Variants in HNF4G observed in about 807,000 individuals in gnomAD.
HNF4G encodes hepatocyte nuclear factor 4-gamma.
A neutral mutation model predicts 50.9 loss-of-function variants in HNF4G; 21 were observed. That is an observed-to-expected ratio of 0.41 (90% CI 0.29 to 0.59). The LOEUF (loss-of-function observed/expected upper bound fraction) is 0.59, where lower values mean the gene tolerates loss of function less well. Ranked by LOEUF, HNF4G falls within the 20% of genes least tolerant of loss-of-function variation. The pLI is 0.26. For synonymous variants in HNF4G, 198 were observed against 185.6 expected, an observed-to-expected ratio of 1.07 and a Z score of -0.54; for missense variants, 527 against 559.4, an observed-to-expected ratio of 0.94 and a Z score of 0.58.
At chr8:75,540,768 G>A (rs949315947) in intron 1 of HNF4G, among the ~76,000 whole-genome samples, 7 of 150,932 alleles carry the variant, frequency 4.6e-5, no homozygotes, top group African/African-American at 9.8e-5. Flanking sequence ...CTTAATACCC[G>A]GTAAAAAAAA....
chr8:75,468,279 T>G (rs1186911800), intron 1 of HNF4G, among the ~76,000 whole-genome samples: 1 of 152,186 alleles, frequency 6.6e-6, no homozygotes, highest in Admixed American at 6.5e-5. Flanking sequence ...AGGTCCTTCT[T>G]TGGTCCTTGT....
intron 1 of HNF4G, among the ~76,000 whole-genome samples, chr8:75,436,536 T>A (rs1585841432): frequency 6.6e-6 from 1 of 152,148 alleles, no homozygotes; most frequent in Non-Finnish European, 1.5e-5. Context: ...GAAAGGGTAG[T>A]TGCCCGAACA....
chr8:75,464,687 T>C (rs560103703), intron 1 of HNF4G, among the ~76,000 whole-genome samples: 59 of 152,338 alleles, frequency 3.9e-4, no homozygotes, highest in African/African-American at 1.3e-3. Context: ...TCAGATTGTA[T>C]ATTAATAATG....
At chr8:75,437,687 T>C (rs1811171091) in intron 1 of HNF4G, among the ~76,000 whole-genome samples, 2 of 151,394 alleles carry the variant, frequency 1.3e-5, no homozygotes. Context: ...AAAATAATAA[T>C]AAAAATAAAA....
At chr8:75,557,162 C>T (rs1807152087) in intron 6 of HNF4G, among the ~76,000 whole-genome samples, 1 of 152,154 alleles carries the variant, frequency 6.6e-6, no homozygotes, top group Admixed American at 6.5e-5. Flanking sequence ...AAAATGCCTA[C>T]TGTATACATT....
chr8:75,548,917 AAGG>A (rs1806865567), intron 3 of HNF4G, among the ~76,000 whole-genome samples: 1 of 152,186 alleles, frequency 6.6e-6, no homozygotes, highest in Admixed American at 6.5e-5. Flanking sequence ...CACAAAATTA[AAGG>A]AGAAGCACTT....
chr8:75,411,003 T>A (rs1451067841), intron 1 of HNF4G, among the ~76,000 whole-genome samples: 1 of 152,242 alleles, frequency 6.6e-6, no homozygotes, highest in Non-Finnish European at 1.5e-5. Context: ...TTTATATGCC[T>A]TTTGCTTTTT....
chr8:75,476,732 C>T (rs923657622), intron 1 of HNF4G, among the ~76,000 whole-genome samples: 2 of 152,020 alleles, frequency 1.3e-5, no homozygotes, highest in African/African-American at 4.8e-5. Context: ...AGCTTTCTGC[C>T]CAAAGAAAGA....
intron 1 of HNF4G, among the ~76,000 whole-genome samples, chr8:75,437,993 G>A (rs184705449): frequency 1.3e-3 from 204 of 152,180 alleles, no homozygotes; most frequent in African/African-American, 4.6e-3. Context: ...GACTGTAGGA[G>A]CACTTTGAAT....
chr8:75,521,377 A>C (rs1366290548), intron 2 of HNF4G, among the ~76,000 whole-genome samples: 2 of 152,218 alleles, frequency 1.3e-5, no homozygotes, highest in East Asian at 3.8e-4. Flanking sequence ...GCTTGATAGC[A>C]GCTGCACAGT....
At chr8:75,480,330 A>G (rs920814431) in intron 1 of HNF4G, among the ~76,000 whole-genome samples, 2 of 152,220 alleles carry the variant, frequency 1.3e-5, no homozygotes, top group African/African-American at 4.8e-5. Flanking sequence ...TTGAGTGCCC[A>G]AAGTGTCAAA....
At chr8:75,413,964 T>C (rs1810567514) in intron 1 of HNF4G, among the ~76,000 whole-genome samples, 1 of 152,204 alleles carries the variant, frequency 6.6e-6, no homozygotes, top group Admixed American at 6.5e-5. Flanking sequence ...TCACTTTTCC[T>C]GGAGTAGGTT....
Position 75,456,909 on chromosome 8 carries a change from TA to T in HNF4G, c.-143-33170del, listed in dbSNP as rs201756778. Among the ~76,000 whole-genome samples the T allele has an allele frequency of 7.4e-5, 11 of 148,978 alleles. No individual in the cohort carries two copies. In the South Asian group the frequency reaches 1.1e-3, roughly 14 times the overall value. On this transcript the variant is annotated intron_variant, in intron 1 of 10. Coordinates refer to the HNF4G transcript ENST00000354370. Reference sequence around the variant, plus strand: ...ACGTGTGCCACCATGCCCAAAAAAATAAAAAAAAAATTATTTGTAGAGATGA... The same window carrying T: ...ACGTGTGCCACCATGCCCAAAAAAATAAAAAAAAATTATTTGTAGAGATGA...
At chr8:75,548,271 C>G (rs933193308) in intron 3 of HNF4G, among the ~76,000 whole-genome samples, 2 of 152,122 alleles carry the variant, frequency 1.3e-5, no homozygotes, top group Admixed American at 6.6e-5. Context: ...AGGCTTGAGC[C>G]ACCACACCTG....
intron 1 of HNF4G, among the ~76,000 whole-genome samples, chr8:75,449,569 C>G (rs1349893420): frequency 3.6e-5 from 5 of 137,978 alleles, no homozygotes; most frequent in Admixed American, 2.3e-4. Context: ...TGCAGTGGGG[C>G]GATCTCGGCT....
intron 1 of HNF4G, among the ~76,000 whole-genome samples, chr8:75,451,505 A>G (rs1438461263): frequency 6.6e-6 from 1 of 152,074 alleles, no homozygotes; most frequent in Non-Finnish European, 1.5e-5. Context: ...ATCCATGTTG[A>G]GTTGATTTTT....
intron 1 of HNF4G, among the ~76,000 whole-genome samples, chr8:75,472,356 C>T (rs1439062030): frequency 2.6e-5 from 4 of 152,172 alleles, no homozygotes; most frequent in Non-Finnish European, 5.9e-5. Context: ...AAGACCCCTT[C>T]CTGGCCCACT....
At chr8:75,449,968 A>T (rs1276936609) in intron 1 of HNF4G, among the ~76,000 whole-genome samples, 1 of 152,162 alleles carries the variant, frequency 6.6e-6, no homozygotes, top group Non-Finnish European at 1.5e-5. Context: ...TGTGTAACTA[A>T]AATTTTGTGT....
chr8:75,538,468 C>G (rs1806528217), upstream of HNF4G, among the ~76,000 whole-genome samples: 1 of 152,148 alleles, frequency 6.6e-6, no homozygotes, highest in South Asian at 2.1e-4. Flanking sequence ...CCGTCAGTGA[C>G]ATCCCTCTGT....
Sources: allele counts gnomAD v4.1 joint callset (sites outside exome capture counted in the v4.1 genomes callset), GRCh38; gene constraint gnomAD v4.1.1; transcripts MANE v1.5; gene names NCBI Gene and HGNC (gene_info 2026-07-23, HGNC 2026-07-21).